DMD: variants seen among roughly 807,000 people sequenced by gnomAD.
DMD encodes dystrophin.
Under a neutral mutation model 330.1 loss-of-function variants are expected in DMD, and 63 were observed. That is an observed-to-expected ratio of 0.19 (90% confidence interval 0.16 to 0.24). DMD has a LOEUF of 0.24. Ranked by LOEUF, DMD falls within the 10% of genes least tolerant of loss-of-function variation. The pLI, the probability that DMD is intolerant of heterozygous loss-of-function variation, is 1.00. For synonymous variants in DMD, 1,223 were observed against 959.8 expected (o/e 1.27, Z -5.07); for missense variants, 3,344 against 2,684.1 (o/e 1.25, Z -5.43).
At position 32,671,322 on chromosome X, in the gene DMD, A is replaced by T. The variant is rs1012096305; in HGVS notation, c.961-26170T>A. On this transcript the variant is annotated intron_variant, in intron 9 of 78. Transcript: ENST00000357033. ...CTGTTTTCAACAAACTTCTTATTCCAATTAACTATAACTTCGATTTTTAAA... is the reference window on the plus strand; with the variant it reads ...CTGTTTTCAACAAACTTCTTATTCCTATTAACTATAACTTCGATTTTTAAA... Among the ~76,000 whole-genome samples the T allele has an allele frequency of 5.4e-5, 6 of 111,019 alleles. No individual in the cohort carries two copies. The Admixed American group carries it at 5.8e-4, about 11-fold the overall frequency.
chrX:33,046,364 A>G (rs1216372791), intron 1 of DMD, among the ~76,000 whole-genome samples: 2 of 111,701 alleles, frequency 1.8e-5, no homozygotes, highest in African/African-American at 6.5e-5. Flanking sequence ...TTTTCCTGCT[A>G]CAGATGTATA....
chrX:31,177,109 T>C (rs983186283), intron 71 of DMD, among the ~76,000 whole-genome samples: 10 of 111,681 alleles, frequency 9.0e-5, no homozygotes, highest in Non-Finnish European at 1.5e-4. Context: ...AAAAGTTTGT[T>C]ATAACAACCC....
intron 1 of DMD, among the ~76,000 whole-genome samples, chrX:33,081,005 CACAA>C (rs1249249153): frequency 4.2e-5 from 4 of 94,262 alleles, no homozygotes; most frequent in African/African-American, 1.8e-4. Flanking sequence ...CACACACACA[CACAA>C]AAACACATGT....
At chrX:32,791,837 T>C (rs2075845185) in intron 7 of DMD, among the ~76,000 whole-genome samples, 1 of 111,560 alleles carries the variant, frequency 9.0e-6, no homozygotes, top group African/African-American at 3.3e-5. Context: ...ATAGATGAAA[T>C]CTTCCCAAGT....
intron 44 of DMD, among the ~76,000 whole-genome samples, chrX:32,013,823 G>C (rs2095737280): frequency 8.9e-6 from 1 of 112,119 alleles, no homozygotes; most frequent in Admixed American, 9.5e-5. Context: ...ACGGACAGAA[G>C]ACATTTTGCT....
At chrX:33,249,918 C>T (rs1023046746) in intron 1 of DMD, among the ~76,000 whole-genome samples, 1 of 109,294 alleles carries the variant, frequency 9.1e-6, no homozygotes, top group African/African-American at 3.4e-5. Flanking sequence ...CACCATCTGA[C>T]ATTTTTATTA....
At chrX:31,270,138 C>T (rs775472169) in intron 62 of DMD, among the ~76,000 whole-genome samples, 4 of 110,833 alleles carry the variant, frequency 3.6e-5, no homozygotes, top group Non-Finnish European at 5.7e-5. Context: ...CCACCAGTTA[C>T]GCAAACCATT....
At chrX:32,287,163 C>A (rs992393572) in intron 43 of DMD, among the ~76,000 whole-genome samples, 4 of 111,281 alleles carry the variant, frequency 3.6e-5, no homozygotes, top group Non-Finnish European at 7.5e-5. Flanking sequence ...GTATTTTAAA[C>A]ATGTTAATCT....
intron 15 of DMD, among the ~76,000 whole-genome samples, chrX:32,567,502 A>C (rs980218978): frequency 9.0e-6 from 1 of 111,350 alleles, no homozygotes; most frequent in African/African-American, 3.3e-5. Context: ...GGTTCAAGCA[A>C]TTCTCCTGTC....
chrX:31,657,456 C>T (rs184367975), intron 54 of DMD, among the ~76,000 whole-genome samples: 47 of 111,588 alleles, frequency 4.2e-4, no homozygotes, highest in East Asian at 5.7e-4. Flanking sequence ...GGATACAAGG[C>T]TTAGTTTGAG....
At position 32,025,395 on chromosome X, in the gene DMD, T is replaced by C. The variant is rs1394195165; in HGVS notation, c.6439-56881A>G. Among the ~76,000 whole-genome samples, 3 of 111,963 alleles carry C rather than the reference T, an allele frequency of 2.7e-5. No homozygotes were observed. The East Asian group carries it at 8.4e-4, about 31-fold the overall frequency. On this transcript the variant is annotated intron_variant, in intron 44 of 78. Transcript: ENST00000357033. ...ACGTTATTTAATATTAAATAAAAAT[T>C]TAGTTCCTTAGTGTCCCTGGCCATA... is the stretch of plus-strand genomic sequence containing the variant.
Position 31,543,311 on chromosome X carries a change from C to T in DMD, c.8218-35858G>A, listed in dbSNP as rs1603348508. ...TCAGCCTCCCAAGTAGCTGGGATTA[C>T]AGGTGCCCACCACCACTCCTAGCTA... On this transcript the variant is annotated intron_variant, in intron 55 of 78. Coordinates refer to ENST00000357033, the MANE Select transcript of DMD (RefSeq NM_004006.3). Among the ~76,000 whole-genome samples, 4 of 111,215 alleles carry T rather than the reference C, an allele frequency of 3.6e-5. No homozygotes were observed. The South Asian group carries it at 1.5e-3, about 43-fold the overall frequency.
chrX:31,929,785 A>C (rs1178715186), intron 46 of DMD, 40 bp from the exon 47 acceptor site: 1 of 1,202,501 alleles, frequency 8.3e-7, no homozygotes, highest in Non-Finnish European at 1.1e-6. Context: ...AATGAATTAC[A>C]GCACAATTCC....
intron 1 of DMD, among the ~76,000 whole-genome samples, chrX:33,262,840 A>C (rs111952277): frequency 0.053 from 5,920 of 110,875 alleles, 408 homozygotes; most frequent in African/African-American, 0.19. Flanking sequence ...GTAATACCTA[A>C]AGAATTACAT....
chrX:31,286,612 T>C (rs1236765612), intron 62 of DMD, among the ~76,000 whole-genome samples: 1 of 112,393 alleles, frequency 8.9e-6, no homozygotes, highest in African/African-American at 3.2e-5. Context: ...CTGTTAGAAA[T>C]GCAGAACATC....
Position 32,968,859 on chromosome X carries a change from C to T in DMD, c.93+51280G>A, listed in dbSNP as rs140378433. 8.9e-3 allele frequency among the ~76,000 whole-genome samples: 940 copies of T among 106,000 alleles called. 4 individuals are homozygous for T. The highest frequency in any genetic ancestry group is 0.013 in the Non-Finnish European group (691 of 51,511). The allele number at this position is 106,000 out of a possible 115,157, so 92.0% of individuals were successfully genotyped here. On this transcript the variant is annotated intron_variant, in intron 2 of 78. Coordinates refer to ENST00000357033, the MANE Select transcript of DMD (RefSeq NM_004006.3). Reference sequence around the variant, plus strand: ...CCTGGCCAAAATGGTGAAACCCCACCTCTACTAAAAATACAAAAAATTAGC... The same window carrying T: ...CCTGGCCAAAATGGTGAAACCCCACTTCTACTAAAAATACAAAAAATTAGC...
chrX:32,754,430 A>G (rs2071222062), intron 7 of DMD, among the ~76,000 whole-genome samples: 2 of 110,388 alleles, frequency 1.8e-5, no homozygotes, highest in African/African-American at 6.6e-5. Flanking sequence ...TCACTCTCCC[A>G]AGTCAATATG....
chrX:32,541,596 C>A (rs771862060), intron 17 of DMD, among the ~76,000 whole-genome samples: 9 of 111,562 alleles, frequency 8.1e-5, no homozygotes, highest in East Asian at 5.6e-4. Flanking sequence ...GAGAGATAAA[C>A]ACTGAGTACA....
At chrX:31,268,845 G>GT (rs779250849) in intron 62 of DMD, among the ~76,000 whole-genome samples, 33 of 112,099 alleles carry the variant, frequency 2.9e-4, no homozygotes, top group Non-Finnish European at 5.3e-4. Context: ...TTCCTTTCCT[G>GT]TTTTTTGTTT....
Sources: gnomAD v4.1 joint callset for allele counts (sites outside exome capture counted in the v4.1 genomes callset) on GRCh38, gnomAD v4.1.1 for gene constraint, MANE v1.5 for transcripts, NCBI Gene and HGNC (gene_info 2026-07-23, HGNC 2026-07-21) for gene names.